The following PDE1C variants were observed in gnomAD, a reference collection of about 807,000 sequenced individuals.
PDE1C encodes the protein phosphodiesterase 1C.
Under a neutral mutation model 93.1 loss-of-function variants are expected in PDE1C, and 62 were observed. The ratio of observed to expected loss-of-function variants is 0.67; its 90% CI spans 0.54 to 0.82. The LOEUF (loss-of-function observed/expected upper bound fraction) is 0.82. PDE1C is among the 40% of genes least tolerant of loss of function. The pLI, the probability that PDE1C is intolerant of heterozygous loss-of-function variation, is 0.00. For missense variants in PDE1C, 742 were observed against 884.6 expected (o/e 0.84, Z 2.04); for synonymous variants, 325 against 310.1 (o/e 1.05, Z -0.50).
intron 1 of PDE1C, among the ~76,000 whole-genome samples, chr7:32,376,733 G>A (rs1225817324): frequency 6.6e-6 from 1 of 152,112 alleles, no homozygotes; most frequent in African/African-American, 2.4e-5. Flanking sequence ...TGTCGTCCAG[G>A]CTGGAGGGCA....
chr7:32,411,201 T>C (rs1213435714), intron 1 of PDE1C, among the ~76,000 whole-genome samples: 3 of 152,130 alleles, frequency 2.0e-5, no homozygotes, highest in Non-Finnish European at 4.4e-5. Flanking sequence ...CCAAATTAAA[T>C]GAAAATCAAA....
chr7:32,350,030 T>C (rs28709828), intron 1 of PDE1C, among the ~76,000 whole-genome samples: 25,902 of 152,246 alleles, frequency 0.17, 3,505 homozygotes, highest in African/African-American at 0.37. Flanking sequence ...ATTCATGTGA[T>C]GCTTATCCAT....
intron 2 of PDE1C, among the ~76,000 whole-genome samples, chr7:31,961,351 A>T (rs1808931259): frequency 6.6e-6 from 1 of 152,094 alleles, no homozygotes; most frequent in Non-Finnish European, 1.5e-5. Flanking sequence ...TTCAGAGTAT[A>T]TTGATAAAGT....
chr7:32,087,284 A>G (rs1198839784), intron 3 of PDE1C, among the ~76,000 whole-genome samples: 2 of 151,340 alleles, frequency 1.3e-5, no homozygotes, highest in Non-Finnish European at 2.9e-5. Context: ...AGAAATGCAA[A>G]TCAAAACCAC....
At chr7:31,825,107 T>C in intron 12 of PDE1C, 120 bp from the exon 13 acceptor site, 1 of 1,221,338 alleles carries the variant, frequency 8.2e-7, no homozygotes, top group Non-Finnish European at 1.2e-6. Context: ...CTTGATCTTA[T>C]GTACTGTATG....
intron 16 of PDE1C, among the ~76,000 whole-genome samples, chr7:31,776,995 GT>G (rs1277845526): frequency 8.9e-6 from 1 of 112,508 alleles, no homozygotes; most frequent in Non-Finnish European, 1.7e-5. Context: ...AGTTTGTGGG[GT>G]GGGGGGAGGG....
chr7:32,420,550 T>A (rs1156886484), intron 1 of PDE1C, among the ~76,000 whole-genome samples: 5 of 133,522 alleles, frequency 3.7e-5, no homozygotes, highest in Non-Finnish European at 8.1e-5. Flanking sequence ...CAAGGCTCCA[T>A]CTCAAAAAAA....
intron 1 of PDE1C, among the ~76,000 whole-genome samples, chr7:32,221,403 T>C (rs1282619971): frequency 6.6e-6 from 1 of 152,094 alleles, no homozygotes; most frequent in African/African-American, 2.4e-5. Context: ...CCCACAGCCA[T>C]CCAAACAGGC....
chr7:31,817,748 C>T (rs571655089), intron 14 of PDE1C, among the ~76,000 whole-genome samples: 9 of 152,132 alleles, frequency 5.9e-5, no homozygotes, highest in Non-Finnish European at 1.0e-4. Context: ...TGTTTTTAAT[C>T]TAATGGACAC....
the PDE1C span, among the ~76,000 whole-genome samples, chr7:31,635,413 G>A: frequency 1.3e-5 from 2 of 152,136 alleles, no homozygotes; most frequent in African/African-American, 4.8e-5. Context: ...AGATAAATAA[G>A]CCTCTACACC....
chr7:32,239,257 G>A (rs372213166), intron 1 of PDE1C, among the ~76,000 whole-genome samples: 40 of 152,188 alleles, frequency 2.6e-4, no homozygotes, highest in Middle Eastern at 6.8e-3. Flanking sequence ...ATAGCCAAGC[G>A]TGATGGTGTG....
rs70989652 is a variant in PDE1C at position 32,372,052 on chromosome 7, ATTTTTTT to A, written c.310+55763_310+55769del. Among the ~76,000 whole-genome samples, 125 of 132,472 alleles carry A rather than the reference ATTTTTTT, an allele frequency of 9.4e-4. 1 individual carries two copies. In the East Asian group the frequency reaches 0.026, roughly 27 times the overall value. 86.9% of individuals were successfully genotyped at this position (132,472 alleles called of 152,430 possible). On this transcript the variant is annotated intron_variant, in intron 1 of 1. Transcript: ENST00000672256. ...AAACCCAAACATCTATGGTCAATTG[ATTTTTTT>A]TTTTTTTTTTTTGAGACAGAGTCTG...
At chr7:31,684,140 G>A in the PDE1C span, among the ~76,000 whole-genome samples, 19 of 152,218 alleles carry the variant, frequency 1.2e-4, no homozygotes, top group Middle Eastern at 6.8e-3. Flanking sequence ...AAAGGGGGAG[G>A]GGCATAATCA....
intron 1 of PDE1C, among the ~76,000 whole-genome samples, chr7:32,391,819 T>C (rs1585139464): frequency 6.6e-6 from 1 of 151,802 alleles, no homozygotes; most frequent in East Asian, 1.9e-4. Flanking sequence ...ATATCAAAAT[T>C]TGGAGGATAA....
chr7:32,214,170 C>T lies in PDE1C; in HGVS notation c.86-4631G>A, dbSNP rs1051125909. Among the ~76,000 whole-genome samples the T allele has an allele frequency of 4.0e-5, 6 of 151,626 alleles. No individual in the cohort carries two copies. The East Asian group carries it at 5.8e-4, about 15-fold the overall frequency. The stretch of plus-strand genomic sequence containing the variant: ...TGTTTATACTATTTTTATACATACA[C>T]GGACACATATATACATTTTATACAC... On this transcript the variant is annotated intron_variant, in intron 1 of 18. Transcript: ENST00000396193.
At chr7:31,725,721 T>A in the PDE1C span, among the ~76,000 whole-genome samples, 1 of 152,192 alleles carries the variant, frequency 6.6e-6, no homozygotes, top group African/African-American at 2.4e-5. Flanking sequence ...GTGAAGGGTA[T>A]ATGGGATTTT....
At chr7:31,819,028 A>G (rs994618103) in intron 14 of PDE1C, among the ~76,000 whole-genome samples, 10 of 152,094 alleles carry the variant, frequency 6.6e-5, no homozygotes, top group Non-Finnish European at 1.3e-4. Flanking sequence ...TTTTTCCTCA[A>G]CTGTAGCTAT....
intron 1 of PDE1C, among the ~76,000 whole-genome samples, chr7:32,381,282 C>T (rs754878509): frequency 9.9e-5 from 15 of 151,866 alleles, no homozygotes; most frequent in Non-Finnish European, 2.2e-4. Flanking sequence ...CAAAGGTTGG[C>T]CCCGTTTCCC....
intron 1 of PDE1C, among the ~76,000 whole-genome samples, chr7:32,231,906 T>G (rs1807714634): frequency 6.6e-6 from 1 of 151,476 alleles, no homozygotes; most frequent in Non-Finnish European, 1.5e-5. Context: ...GTAGGAAGAG[T>G]CTTTGAAAAT....
Sources: allele counts gnomAD v4.1 joint callset (sites outside exome capture counted in the v4.1 genomes callset), GRCh38; gene constraint gnomAD v4.1.1; transcripts MANE v1.5; gene names NCBI Gene and HGNC (gene_info 2026-07-23, HGNC 2026-07-21).